ADAM18: variants seen among roughly 807,000 people sequenced by gnomAD.
ADAM18 encodes the protein disintegrin and metalloproteinase domain-containing protein 18.
A neutral mutation model predicts 94.4 loss-of-function variants in ADAM18; 117 were observed. The ratio of observed to expected loss-of-function variants is 1.24; its 90% CI spans 1.07 to 1.45. The LOEUF (loss-of-function observed/expected upper bound fraction) is 1.45. ADAM18 is among the 40% of genes most tolerant of loss of function. ADAM18 has a pLI of 0.00. For synonymous variants in ADAM18, 327 were observed against 291.6 expected (o/e 1.12, Z -1.24); for missense variants, 936 against 880.0 (o/e 1.06, Z -0.81).
At chr8:39,635,618 T>G (rs1383643180) in intron 7 of ADAM18, among the ~76,000 whole-genome samples, 1 of 152,170 alleles carries the variant, frequency 6.6e-6, no homozygotes, top group Non-Finnish European at 1.5e-5. Flanking sequence ...CCCACAAGTG[T>G]CTTTTTCCTA....
intron 2 of ADAM18, among the ~76,000 whole-genome samples, chr8:39,597,758 C>T (rs1359592323): frequency 6.6e-6 from 1 of 152,088 alleles, no homozygotes; most frequent in Non-Finnish European, 1.5e-5. Context: ...GTTGTGTTGC[C>T]TGTTCTTGGT....
intron 11 of ADAM18, among the ~76,000 whole-genome samples, chr8:39,647,668 C>G (rs1820423019): frequency 6.6e-6 from 1 of 152,186 alleles, no homozygotes; most frequent in African/African-American, 2.4e-5. Flanking sequence ...CTTTCCAGGG[C>G]AGAGGTCCCT....
intron 10 of ADAM18, among the ~76,000 whole-genome samples, chr8:39,639,248 T>C (rs1820170412): frequency 6.6e-6 from 1 of 151,940 alleles, no homozygotes; most frequent in African/African-American, 2.4e-5. Context: ...CAGAAGGTAC[T>C]TGTGAATCAT....
At chr8:39,589,375 A>G (rs570659786) in intron 2 of ADAM18, among the ~76,000 whole-genome samples, 48 of 152,348 alleles carry the variant, frequency 3.2e-4, no homozygotes, top group Middle Eastern at 3.4e-3. Flanking sequence ...TATATACTTC[A>G]TAATGAATTA....
intron 14 of ADAM18, among the ~76,000 whole-genome samples, chr8:39,669,979 T>G (rs942621066): frequency 2.6e-5 from 4 of 152,186 alleles, no homozygotes; most frequent in East Asian, 3.9e-4. Flanking sequence ...AGCACCTGTT[T>G]TTTCCTGACT....
At chr8:39,709,770 T>C (rs778950719) in intron 18 of ADAM18, among the ~76,000 whole-genome samples, 11 of 152,222 alleles carry the variant, frequency 7.2e-5, no homozygotes, top group Non-Finnish European at 1.5e-4. Context: ...GCTTTAATTT[T>C]AAGGTCCCAA....
intron 17 of ADAM18, among the ~76,000 whole-genome samples, chr8:39,700,941 AC>A (rs1477288794): frequency 1.3e-5 from 2 of 150,130 alleles, no homozygotes; most frequent in African/African-American, 4.9e-5. Context: ...AAACGGTGAA[AC>A]CCCGTCTCTA....
At chr8:39,586,596 G>A (rs1324377412) in intron 2 of ADAM18, among the ~76,000 whole-genome samples, 3 of 152,134 alleles carry the variant, frequency 2.0e-5, no homozygotes, top group African/African-American at 7.2e-5. Context: ...GTGTGGTGGT[G>A]TGTGCCTGTA....
At chr8:39,708,654 A>G (rs561201121) in intron 18 of ADAM18, among the ~76,000 whole-genome samples, 1 of 152,258 alleles carries the variant, frequency 6.6e-6, no homozygotes, top group South Asian at 2.1e-4. Context: ...CATTTGCACA[A>G]CCTGCAGTTC....
At chr8:39,667,369 T>A (rs887117782) in intron 13 of ADAM18, among the ~76,000 whole-genome samples, 1 of 135,710 alleles carries the variant, frequency 7.4e-6, no homozygotes, top group Admixed American at 8.4e-5. Context: ...GCCACTTCAC[T>A]CCAGCCTGAG....
chr8:39,729,935 C>T lies in ADAM18; in HGVS notation c.2215C>T (p.His739Tyr), dbSNP rs570432321. The change falls in exon 20 of 20, where the codon CAT (histidine) becomes TAT (tyrosine). Residue 739 changes from histidine to tyrosine, a missense_variant. Physicochemically the swap from His to Tyr is moderately conservative, Grantham distance 83. Transcript: ENST00000265707. ...SVVSESDDVG[H>Y] ...TGTATCAGAAAGCGATGACGTGGGA[C>T]ATTAATATTGCACAGAACTTCCATA... The T allele has an allele frequency of 2.5e-6, 4 of 1,612,980 alleles. No homozygotes were observed. The African/African-American group carries it at 4.0e-5, about 16-fold the overall frequency.
rs143767843 is a variant in ADAM18 at position 39,645,404 on chromosome 8, G to T, written c.976G>T (p.Gly326Ter). The T allele has an allele frequency of 5.0e-6, 8 of 1,612,504 alleles. No homozygotes were observed. The Admixed American group carries it at 1.0e-4, about 20-fold the overall frequency. Residue 326 changes from glycine (G) to a stop codon, truncating the protein, a stop_gained, in exon 11 of 20, where the codon GGA (glycine) becomes TGA (stop). Coordinates refer to ENST00000265707, the MANE Select transcript of ADAM18 (RefSeq NM_014237.3). LOFTEE classifies it high-confidence loss of function. ...AGCTCAACTGCTTGGCCTTAATGTA[G>T]GATTAACATATGATGACATCACTCA... ...IIAQLLGLNV[G>*]LTYDDITQCF... is the part of the protein sequence containing the mutation.
chr8:39,628,297 T>C (rs9886480), intron 6 of ADAM18, among the ~76,000 whole-genome samples: 4,728 of 151,894 alleles, frequency 0.031, 268 homozygotes, highest in African/African-American at 0.11. Flanking sequence ...TTTTACAAAA[T>C]TGCAGTATAC....
chr8:39,644,444 T>A (rs1820320895), intron 10 of ADAM18, among the ~76,000 whole-genome samples: 1 of 152,094 alleles, frequency 6.6e-6, no homozygotes, highest in Non-Finnish European at 1.5e-5. Flanking sequence ...TGCATCATCT[T>A]GCTGGCTATT....
chr8:39,707,622 T>C (rs1227457576), intron 18 of ADAM18, among the ~76,000 whole-genome samples: 1 of 152,214 alleles, frequency 6.6e-6, no homozygotes, highest in African/African-American at 2.4e-5. Context: ...ATCTTAGCAA[T>C]GAATAGTTTC....
chr8:39,696,122 T>G (rs1821920361), intron 17 of ADAM18, among the ~76,000 whole-genome samples: 1 of 151,516 alleles, frequency 6.6e-6, no homozygotes, highest in Admixed American at 6.6e-5. Flanking sequence ...CACTGTAGTT[T>G]TGATTTCCAT....
chr8:39,727,461 G>A (rs1822948964), intron 19 of ADAM18, among the ~76,000 whole-genome samples: 2 of 152,138 alleles, frequency 1.3e-5, no homozygotes, highest in African/African-American at 4.8e-5. Context: ...AAGCAGCCAG[G>A]CAACATCTTG....
rs754304650 is a variant in ADAM18 at position 39,706,874 on chromosome 8, A to G, written c.1987A>G (p.Ser663Gly). ...ATTCCAGTTTGGTTCCCCAGGGGGT[A>G]GTATTGATGATGGAAATTTTCAGAA... ...CKFQFGSPGG[S>G]IDDGNFQKSG... The change falls in exon 18 of 20, where the codon AGT becomes GGT. Residue 663 changes from serine to glycine, a missense_variant. Transcript: ENST00000265707. The G allele has an allele frequency of 6.2e-7, 1 of 1,604,314 alleles. No homozygotes were observed. The highest frequency in any genetic ancestry group is 1.1e-5 in the South Asian group (1 of 90,112).
At chr8:39,660,255 A>C (rs537118312) in intron 12 of ADAM18, among the ~76,000 whole-genome samples, 1 of 152,302 alleles carries the variant, frequency 6.6e-6, no homozygotes, top group African/African-American at 2.4e-5. Context: ...GCCTATAAAT[A>C]GTTACTTTGA....
Sources: gnomAD v4.1 joint callset for allele counts (sites outside exome capture counted in the v4.1 genomes callset) on GRCh38, gnomAD v4.1.1 for gene constraint, MANE v1.5 for transcripts, NCBI Gene and HGNC (gene_info 2026-07-23, HGNC 2026-07-21) for gene names.